Variants in ANXA6 observed in about 807,000 individuals in gnomAD.
The protein encoded by ANXA6 is annexin A6.
ANXA6 carries 71 observed loss-of-function variants against 95.4 expected under a neutral mutation model. The observed-to-expected ratio is 0.74, with a 90% confidence interval of 0.61 to 0.91. ANXA6 has a LOEUF of 0.91. Ranked by LOEUF, ANXA6 falls within the 40% of genes least tolerant of loss-of-function variation. ANXA6 has a pLI of 0.00. For missense variants in ANXA6, 830 were observed against 876.4 expected (o/e 0.95, Z 0.67); for synonymous variants, 289 against 315.9 (o/e 0.91, Z 0.90).
chr5:151,149,511 G>A (rs1766056216), intron 1 of ANXA6, among the ~76,000 whole-genome samples: 1 of 151,910 alleles, frequency 6.6e-6, no homozygotes, highest in Non-Finnish European at 1.5e-5. Flanking sequence ...TTTTGAGATG[G>A]AGTCTCGCTC....
chr5:151,146,540 TTTA>T (rs1765980163), intron 2 of ANXA6, among the ~76,000 whole-genome samples: 1 of 152,036 alleles, frequency 6.6e-6, no homozygotes, highest in Non-Finnish European at 1.5e-5. Flanking sequence ...TGGATGGAGT[TTTA>T]TTATTACTGA....
intron 24 of ANXA6, among the ~76,000 whole-genome samples, chr5:151,104,390 C>A (rs1764637457): frequency 1.3e-5 from 2 of 152,256 alleles, no homozygotes; most frequent in African/African-American, 4.8e-5. Flanking sequence ...GAGCGACAAG[C>A]ACCAGCCTAG....
intron 25 of ANXA6, among the ~76,000 whole-genome samples, chr5:151,102,824 A>G (rs1315427401): frequency 6.6e-6 from 1 of 152,210 alleles, no homozygotes; most frequent in Non-Finnish European, 1.5e-5. Context: ...GTGGTTGCCT[A>G]TGGCTGGGGA....
chr5:151,103,766 T>C, intron 24 of ANXA6, 74 bp from the exon 25 acceptor site: 1 of 1,495,710 alleles, frequency 6.7e-7, no homozygotes, highest in Non-Finnish European at 8.9e-7. Flanking sequence ...AACAGTGGTA[T>C]CCCATCTGCC....
chr5:151,141,088 A>G (rs1158107031), intron 2 of ANXA6, among the ~76,000 whole-genome samples: 2 of 152,218 alleles, frequency 1.3e-5, no homozygotes, highest in South Asian at 4.1e-4. Context: ...GGGGAAGGAG[A>G]GAAGCGGCAG....
At chr5:151,128,360 C>T (rs1765388800) in intron 12 of ANXA6, 121 bp from the exon 13 acceptor site, 3 of 828,238 alleles carry the variant, frequency 3.6e-6, no homozygotes, top group Non-Finnish European at 5.9e-6. Flanking sequence ...TTCATAGCAG[C>T]CCTGGCCCTC....
At chr5:151,129,040 C>A (rs1200397743) in intron 12 of ANXA6, among the ~76,000 whole-genome samples, 1 of 152,192 alleles carries the variant, frequency 6.6e-6, no homozygotes, top group Non-Finnish European at 1.5e-5. Flanking sequence ...CACCAATCAC[C>A]CGGCCCAGGC....
At position 151,106,091 on chromosome 5, in the gene ANXA6, A is replaced by G. The variant is rs552533300; in HGVS notation, c.1781-788T>C. ...TTGGTAAAATTTAAGGGACCATGCA[A>G]ATCCCTGGGGCTGAGTGTTTCCCCA... On this transcript the variant is annotated intron_variant, in intron 23 of 25. Coordinates refer to ENST00000354546, the MANE Select transcript of ANXA6 (RefSeq NM_001155.5). 3.1e-4 allele frequency among the ~76,000 whole-genome samples: 47 copies of G among 152,264 alleles called. 1 individual carries two copies. Among genetic ancestry groups the G allele is most frequent in the South Asian group, 6.2e-4 (3 of 4,824 alleles).
At chr5:151,157,260 A>C (rs190898591) in intron 1 of ANXA6, among the ~76,000 whole-genome samples, 40 of 152,236 alleles carry the variant, frequency 2.6e-4, no homozygotes, top group Admixed American at 6.5e-4. Flanking sequence ...TCTTGCTCTC[A>C]GTCTTGGGCC....
chr5:151,112,764 C>T (rs1764887785), intron 20 of ANXA6, among the ~76,000 whole-genome samples: 1 of 152,130 alleles, frequency 6.6e-6, no homozygotes, highest in African/African-American at 2.4e-5. Context: ...GTGGAGGTTG[C>T]AGTGAGCCAA....
rs541772014 is a variant in ANXA6 at position 151,119,005 on chromosome 5, G to A, written c.1438+295C>T. On this transcript the variant is annotated intron_variant, in intron 18 of 25. Coordinates refer to ENST00000354546, the MANE Select transcript of ANXA6 (RefSeq NM_001155.5). ...GGGGCCCTTCTGGCTGTGGGGCCCTGTAGAACTGCATGGACTACACACCCC... is the reference window on the plus strand; with the variant it reads ...GGGGCCCTTCTGGCTGTGGGGCCCTATAGAACTGCATGGACTACACACCCC... 2.0e-5 allele frequency among the ~76,000 whole-genome samples: 3 copies of A among 152,326 alleles called. No individual in the cohort carries two copies. The South Asian group carries it at 6.2e-4, about 32-fold the overall frequency.
At chr5:151,115,836 A>G (rs974399721) in intron 20 of ANXA6, among the ~76,000 whole-genome samples, 7 of 152,258 alleles carry the variant, frequency 4.6e-5, no homozygotes, top group African/African-American at 1.4e-4. Context: ...ACTGGACAAC[A>G]ACAGCTATTT....
At chr5:151,145,635 A>G (rs774600047) in intron 2 of ANXA6, among the ~76,000 whole-genome samples, 24 of 152,204 alleles carry the variant, frequency 1.6e-4, no homozygotes, top group Non-Finnish European at 2.9e-4. Context: ...ACATGCATGC[A>G]TGTGTGCGTG....
At chr5:151,104,509 G>A (rs542354818) in intron 24 of ANXA6, among the ~76,000 whole-genome samples, 20 of 152,246 alleles carry the variant, frequency 1.3e-4, no homozygotes, top group Non-Finnish European at 2.6e-4. Flanking sequence ...AAATGAGGAT[G>A]CTACCACAAT....
intron 17 of ANXA6, among the ~76,000 whole-genome samples, chr5:151,120,416 CAAAAAA>C (rs35091535): frequency 6.2e-4 from 82 of 131,986 alleles, no homozygotes; most frequent in Non-Finnish European, 7.8e-4. Flanking sequence ...GCTACAACTA[CAAAAAA>C]AAAAAAAAAA....
At chr5:151,118,242 A>G (rs970829213) in intron 18 of ANXA6, among the ~76,000 whole-genome samples, 15 of 151,258 alleles carry the variant, frequency 9.9e-5, no homozygotes, top group Admixed American at 8.6e-4. Context: ...AAAGCTGCTT[A>G]TAAGATAAAA....
intron 16 of ANXA6, 114 bp from the exon 17 acceptor site, chr5:151,122,374 T>C (rs1340782533): frequency 1.5e-6 from 1 of 648,940 alleles, no homozygotes; most frequent in South Asian, 1.9e-5. Context: ...CATGGAAGCT[T>C]GTGTCTGTCT....
chr5:151,130,733 A>T (rs10064008), intron 11 of ANXA6, among the ~76,000 whole-genome samples: 2 of 152,118 alleles, frequency 1.3e-5, no homozygotes, highest in South Asian at 2.1e-4. Context: ...CTCGGGCCTC[A>T]GGCCTCTGGC....
At position 151,138,950 on chromosome 5, in the gene ANXA6, A is replaced by G. The variant is rs1299298733; in HGVS notation, c.205-159T>C. The G allele has an allele frequency of 9.2e-5, 58 of 629,952 alleles. No individual in the cohort carries two copies. In the Admixed American group the frequency reaches 1.5e-3, roughly 16 times the overall value. The allele number at this position is 629,952 out of a possible 1,614,324, so 39.0% of individuals were successfully genotyped here. A position where few individuals can be genotyped will look rare whatever the true frequency, so the allele number is the denominator to read the frequency against. On this transcript the variant is annotated intron_variant, in intron 4 of 25. Coordinates refer to ENST00000354546, the MANE Select transcript of ANXA6 (RefSeq NM_001155.5). ...GGTATGTACTGTTACCAACCCTAAGAGACAGGCTCAGAAACAACAGAGGTC... is the reference window on the plus strand; with the variant it reads ...GGTATGTACTGTTACCAACCCTAAGGGACAGGCTCAGAAACAACAGAGGTC...
Sources: gnomAD v4.1 joint callset for allele counts (sites outside exome capture counted in the v4.1 genomes callset) on GRCh38, gnomAD v4.1.1 for gene constraint, MANE v1.5 for transcripts, NCBI Gene and HGNC (gene_info 2026-07-23, HGNC 2026-07-21) for gene names.